The following CDK8 variants were observed in gnomAD, a reference collection of about 807,000 sequenced individuals.
CDK8 encodes cyclin-dependent kinase 8.
A neutral mutation model predicts 71.5 loss-of-function variants in CDK8; 29 were observed. That is an observed-to-expected ratio of 0.41 (90% CI 0.30 to 0.55). The LOEUF (loss-of-function observed/expected upper bound fraction) is 0.55. Among genes scored for constraint, CDK8 ranks in the 20% least tolerant of loss-of-function variants. The probability of loss-of-function intolerance (pLI) is 0.37; values close to 1 mark genes in which losing one functional copy is unlikely to be tolerated. For synonymous variants in CDK8, 161 were observed against 192.1 expected (o/e 0.84, Z 1.34); for missense variants, 288 against 572.6 (o/e 0.50, Z 5.07).
chr13:26,382,927 C>A, intron 5 of CDK8, 56 bp downstream of exon 5: 2 of 1,109,088 alleles, frequency 1.8e-6, no homozygotes, highest in South Asian at 3.0e-5. Context: ...CTTTTGCAGG[C>A]AGCTATATCA....
intron 6 of CDK8, among the ~76,000 whole-genome samples, chr13:26,387,896 G>T (rs1475547428): frequency 6.6e-6 from 1 of 152,056 alleles, no homozygotes; most frequent in South Asian, 2.1e-4. Flanking sequence ...GACTCAAAGG[G>T]TATCTAAACT....
At chr13:26,281,981 G>A (rs1054067560) in intron 1 of CDK8, among the ~76,000 whole-genome samples, 2 of 151,634 alleles carry the variant, frequency 1.3e-5, no homozygotes, top group Non-Finnish European at 2.9e-5. Flanking sequence ...AGAGCTCAAA[G>A]ATAAGGCTTA....
chr13:26,312,665 G>A (rs1874342822), intron 1 of CDK8, among the ~76,000 whole-genome samples: 1 of 152,178 alleles, frequency 6.6e-6, no homozygotes, highest in Non-Finnish European at 1.5e-5. Flanking sequence ...AGGGTCCGCG[G>A]CTTCATTCTT....
At chr13:26,346,378 A>G (rs1873462196) in intron 2 of CDK8, among the ~76,000 whole-genome samples, 1 of 152,208 alleles carries the variant, frequency 6.6e-6, no homozygotes, top group African/African-American at 2.4e-5. Context: ...ACTAAGAATA[A>G]CTTTAAATGT....
chr13:26,347,513 A>G (rs1326677525), intron 2 of CDK8, among the ~76,000 whole-genome samples: 1 of 152,186 alleles, frequency 6.6e-6, no homozygotes, highest in Non-Finnish European at 1.5e-5. Flanking sequence ...AGAATGGGAG[A>G]AAGTTTTATA....
intron 1 of CDK8, among the ~76,000 whole-genome samples, chr13:26,312,996 C>T (rs1357499490): frequency 2.0e-5 from 3 of 152,122 alleles, no homozygotes; most frequent in Admixed American, 2.0e-4. Flanking sequence ...TATGTAAATG[C>T]TGTTATATCA....
intron 4 of CDK8, among the ~76,000 whole-genome samples, chr13:26,374,665 TAAA>T (rs1039626083): frequency 1.3e-5 from 2 of 152,026 alleles, no homozygotes. Flanking sequence ...GTCTTGTCAA[TAAA>T]ACAAAACTAC....
intron 9 of CDK8, chr13:26,400,212 C>A: frequency 4.7e-6 from 2 of 422,288 alleles, no homozygotes; most frequent in African/African-American, 2.0e-5. Context: ...GGTGGGGATC[C>A]ATTTGTTTAG....
At chr13:26,391,870 A>G (rs1012132904) in intron 6 of CDK8, among the ~76,000 whole-genome samples, 6 of 152,238 alleles carry the variant, frequency 3.9e-5, no homozygotes, top group African/African-American at 1.4e-4. Context: ...AAATGTAAAT[A>G]TGTGAAATTT....
At chr13:26,284,118 A>C in intron 1 of CDK8, among the ~76,000 whole-genome samples, 1 of 152,210 alleles carries the variant, frequency 6.6e-6, no homozygotes, top group Non-Finnish European at 1.5e-5. Context: ...CAACTTACCA[A>C]ACTTCTGGAA....
At chr13:26,402,416 G>A (rs1315351927) in intron 12 of CDK8, among the ~76,000 whole-genome samples, 1 of 151,972 alleles carries the variant, frequency 6.6e-6, no homozygotes, top group Admixed American at 6.6e-5. Flanking sequence ...ACTACACAAG[G>A]GTTCAGTGTG....
chr13:26,315,167 T>C (rs984139495), intron 1 of CDK8, among the ~76,000 whole-genome samples: 5 of 152,230 alleles, frequency 3.3e-5, no homozygotes, highest in African/African-American at 1.2e-4. Context: ...GTGTATAATT[T>C]GTTAAATCAT....
chr13:26,390,137 T>C (rs981860483), intron 6 of CDK8, among the ~76,000 whole-genome samples: 1 of 152,206 alleles, frequency 6.6e-6, no homozygotes, highest in Non-Finnish European at 1.5e-5. Flanking sequence ...AACAAATTTC[T>C]CACACCACCA....
chr13:26,334,856 A>T (rs1415950206), intron 1 of CDK8, among the ~76,000 whole-genome samples: 1 of 152,160 alleles, frequency 6.6e-6, no homozygotes, highest in Admixed American at 6.5e-5. Flanking sequence ...TTCAGAAAAA[A>T]AATGAACATA....
intron 1 of CDK8, among the ~76,000 whole-genome samples, chr13:26,282,426 A>C (rs1872791243): frequency 6.6e-6 from 1 of 152,220 alleles, no homozygotes; most frequent in Non-Finnish European, 1.5e-5. Flanking sequence ...GCCTCTACAA[A>C]CAAAATAATT....
chr13:26,284,724 A>G (rs1377029304), intron 1 of CDK8, among the ~76,000 whole-genome samples: 1 of 152,126 alleles, frequency 6.6e-6, no homozygotes, highest in Non-Finnish European at 1.5e-5. Flanking sequence ...TACTAAAACT[A>G]TTCCACAAGA....
At chr13:26,277,278 TA>T (rs1283874011) in intron 1 of CDK8, among the ~76,000 whole-genome samples, 8 of 152,148 alleles carry the variant, frequency 5.3e-5, no homozygotes, top group African/African-American at 1.9e-4. Flanking sequence ...ACAGGGTAAA[TA>T]GTAAGTATTG....
chr13:26,370,476 TAATAA>T (rs1257081588), intron 4 of CDK8, among the ~76,000 whole-genome samples: 1 of 152,218 alleles, frequency 6.6e-6, no homozygotes, highest in Non-Finnish European at 1.5e-5. Context: ...TTGAAATTCT[TAATAA>T]AATAAGAAAA....
intron 1 of CDK8, among the ~76,000 whole-genome samples, chr13:26,282,447 A>C (rs1872792607): frequency 6.6e-6 from 1 of 152,238 alleles, no homozygotes; most frequent in East Asian, 1.9e-4. Context: ...GCCAGCCAAG[A>C]ATTTCATATT....
Sources: allele counts gnomAD v4.1 joint callset (sites outside exome capture counted in the v4.1 genomes callset), GRCh38; gene constraint gnomAD v4.1.1; transcripts MANE v1.5; gene names NCBI Gene and HGNC (gene_info 2026-07-23, HGNC 2026-07-21).